KIRREL3: variants seen among roughly 807,000 people sequenced by gnomAD.
KIRREL3 encodes kirre like nephrin family adhesion molecule 3.
Under a neutral mutation model 89.7 loss-of-function variants are expected in KIRREL3, and 36 were observed. The observed-to-expected ratio is 0.40, with a 90% confidence interval of 0.31 to 0.53. KIRREL3 has a LOEUF of 0.53. Ranked by LOEUF, KIRREL3 falls within the 20% of genes least tolerant of loss-of-function variation. KIRREL3 has a pLI of 0.49. For synonymous variants in KIRREL3, 445 were observed against 441.4 expected, an observed-to-expected ratio of 1.01 and a Z score of -0.10; for missense variants, 864 against 1,056.6, an observed-to-expected ratio of 0.82 and a Z score of 2.53.
intron 7 of KIRREL3, among the ~76,000 whole-genome samples, chr11:126,450,843 ATG>A (rs1956054049): frequency 8.1e-6 from 1 of 124,002 alleles, no homozygotes; most frequent in African/African-American, 3.2e-5. Flanking sequence ...GCGTGTATAG[ATG>A]TGTGAGCATG....
intron 4 of KIRREL3, among the ~76,000 whole-genome samples, chr11:126,500,776 A>G (rs1462598794): frequency 6.6e-6 from 1 of 151,856 alleles, no homozygotes; most frequent in Admixed American, 6.6e-5. Flanking sequence ...GAAAAACAGT[A>G]TATATTTTCA....
At chr11:126,722,524 A>G (rs1258202017) in intron 1 of KIRREL3, among the ~76,000 whole-genome samples, 2 of 152,270 alleles carry the variant, frequency 1.3e-5, no homozygotes, top group Admixed American at 1.3e-4. Context: ...TTGTAAATAA[A>G]GTTTTATTAG....
At chr11:126,435,175 A>C in intron 13 of KIRREL3, 93 bp downstream of exon 13, 1 of 1,321,264 alleles carries the variant, frequency 7.6e-7, no homozygotes, top group Non-Finnish European at 1.1e-6. Flanking sequence ...CGGCCAGCAC[A>C]GGCCTCCCTA....
intron 1 of KIRREL3, among the ~76,000 whole-genome samples, chr11:126,654,775 A>G (rs915273138): frequency 6.6e-6 from 1 of 152,144 alleles, no homozygotes; most frequent in Non-Finnish European, 1.5e-5. Flanking sequence ...CACTGCTTCA[A>G]TGCTTTTCAA....
chr11:126,431,113 T>C lies in KIRREL3; in HGVS notation c.1696+306A>G. On this transcript the variant is annotated intron_variant, in intron 14 of 16. Transcript: ENST00000525144. This position sits in a 1 kb window ranked among gnomAD's most constrained non-coding sequence, Gnocchi z 7.1. ...AGCAAGGATCAAACCACAAACCGCT[T>C]TTCCCCCTATCTTTCTGTACAGTTC... 1 of 1,408,850 alleles carries C rather than the reference T, an allele frequency of 7.1e-7. No individual in the cohort carries two copies. The highest frequency in any genetic ancestry group is 9.2e-7 in the Non-Finnish European group (1 of 1,085,088). 87.3% of individuals were successfully genotyped at this position (1,408,850 alleles called of 1,614,324 possible).
At chr11:126,884,961 G>T (rs535093534) in intron 1 of KIRREL3, among the ~76,000 whole-genome samples, 1 of 152,280 alleles carries the variant, frequency 6.6e-6, no homozygotes, top group East Asian at 1.9e-4. Flanking sequence ...AAAACTTAAT[G>T]TTGAGTGAAA....
rs977299908 is a variant in KIRREL3, at chr11:126,978,206, C to T, written c.55+22249G>A. Among the ~76,000 whole-genome samples, 8 of 152,180 alleles carry T rather than the reference C, an allele frequency of 5.3e-5. No homozygotes were observed. Among genetic ancestry groups the T allele is most frequent in the African/African-American group, 1.9e-4 (8 of 41,448 alleles). Reference sequence around the variant, plus strand: ...CAATTATGCGATTCTTTCAGGGTTGCTTCTGCCCTTCCTCTTCTCCAACAT... The same window carrying T: ...CAATTATGCGATTCTTTCAGGGTTGTTTCTGCCCTTCCTCTTCTCCAACAT... On this transcript the variant is annotated intron_variant, in intron 1 of 16. Transcript: ENST00000525144. The surrounding 1 kb of genome is among the most constrained non-coding windows in gnomAD (Gnocchi z 4.2).
intron 1 of KIRREL3, among the ~76,000 whole-genome samples, chr11:126,874,771 G>A (rs1004084927): frequency 2.6e-5 from 4 of 152,178 alleles, no homozygotes; most frequent in South Asian, 2.1e-4. Flanking sequence ...TTGGCTGTGC[G>A]TGGAATGGTG....
chr11:126,432,797 C>G lies in KIRREL3; in HGVS notation c.1589-1271G>C, dbSNP rs575428381. Among the ~76,000 whole-genome samples, 54 of 152,246 alleles carry G rather than the reference C, an allele frequency of 3.5e-4. No homozygotes were observed. Among genetic ancestry groups the G allele is most frequent in the African/African-American group, 1.2e-3 (48 of 41,556 alleles). On this transcript the variant is annotated intron_variant, in intron 13 of 16. Transcript: ENST00000525144. The surrounding 1 kb of genome is among the most constrained non-coding windows in gnomAD (Gnocchi z 6.2). ...TGGGCTTGAGCTGGGTGAATGTGGG[C>G]AGAGGCCTTGGAGCAGAGCCTGGCA...
Position 126,601,368 on chromosome 11 carries a change from T to C in KIRREL3, c.56-38456A>G, listed in dbSNP as rs1386431296. 1.3e-5 allele frequency among the ~76,000 whole-genome samples: 2 copies of C among 152,170 alleles called. No individual in the cohort carries two copies. The highest frequency in any genetic ancestry group is 2.4e-5 in the African/African-American group (1 of 41,434). On this transcript the variant is annotated intron_variant, in intron 1 of 16. Coordinates refer to ENST00000525144, the MANE Select transcript of KIRREL3 (RefSeq NM_032531.4). The surrounding 1 kb of genome is among the most constrained non-coding windows in gnomAD (Gnocchi z 5.8). ...TGGGCCTGCTAATGCCCTGAGGCGA[T>C]GGGAACACAGCTCTGGGAGCACCTG...
Position 126,723,582 on chromosome 11 carries a change from C to T in KIRREL3, c.56-160670G>A, listed in dbSNP as rs1948263528. The stretch of plus-strand genomic sequence containing the variant: ...CTCCTCTATGCTTTTAAAATAAAGG[C>T]CTTAGTGGATCTCAACTTCAGCAAA... On this transcript the variant is annotated intron_variant, in intron 1 of 16. Coordinates refer to ENST00000525144, the MANE Select transcript of KIRREL3 (RefSeq NM_032531.4). This position sits in a 1 kb window ranked among gnomAD's most constrained non-coding sequence, Gnocchi z 4.0. 6.6e-6 allele frequency among the ~76,000 whole-genome samples: 1 copy of T among 152,194 alleles called. No individual in the cohort carries two copies. The highest frequency in any genetic ancestry group is 2.4e-5 in the African/African-American group (1 of 41,438).
rs768194191 is a variant in KIRREL3, at chr11:126,436,988, C to G, written c.1375G>C (p.Val459Leu). Residue 459 changes from valine to leucine, a missense_variant, in exon 12 of 17, where the codon GTT becomes CTT. By Grantham distance (32) the Val-to-Leu change is conservative. Transcript: ENST00000525144. ...DRIAWSWKENVLESGTSGRYT... is the reference protein window; with the variant it reads ...DRIAWSWKENLLESGTSGRYT... ...CGCCCCGATGTGCCCGACTCCAGAA[C>G]GTTCTCCTTCCAGGACCAGGCCTGC... 1.9e-6 allele frequency: 3 copies of G among 1,560,978 alleles called. No homozygotes were observed. The highest frequency in any genetic ancestry group is 2.6e-6 in the Non-Finnish European group (3 of 1,147,714).
intron 1 of KIRREL3, among the ~76,000 whole-genome samples, chr11:126,681,301 A>G (rs1946442341): frequency 6.6e-6 from 1 of 152,214 alleles, no homozygotes; most frequent in African/African-American, 2.4e-5. Context: ...GGTTAGCCTT[A>G]CATCCAATCA....
At chr11:126,942,556 C>G (rs1416395915) in intron 1 of KIRREL3, among the ~76,000 whole-genome samples, 1 of 152,172 alleles carries the variant, frequency 6.6e-6, no homozygotes, top group South Asian at 2.1e-4. Flanking sequence ...GCTCTTCCAG[C>G]TGGAGGGGGT....
rs1022084025 is a variant in KIRREL3 at position 126,485,168 on chromosome 11, A to G, written c.434-11702T>C. Among the ~76,000 whole-genome samples, 5 of 152,138 alleles carry G rather than the reference A, an allele frequency of 3.3e-5. No individual in the cohort carries two copies. Among genetic ancestry groups the G allele is most frequent in the African/African-American group, 9.7e-5 (4 of 41,432 alleles). ...GGCATCCGATATATTTGGCAGCACA[A>G]TCGCACAGACGTGTCTCCAAGGAGG... is the stretch of plus-strand genomic sequence containing the variant. On this transcript the variant is annotated intron_variant, in intron 4 of 16. Coordinates refer to ENST00000525144, the MANE Select transcript of KIRREL3 (RefSeq NM_032531.4). The surrounding 1 kb of genome is among the most constrained non-coding windows in gnomAD (Gnocchi z 5.8).
rs142779033 is a variant in KIRREL3 at position 126,548,735 on chromosome 11, C to T, written c.133+14100G>A. ...ATCCTCCAGGTGTCATTCATCTCTG[C>T]GTACACAGTGGGTGCTGATGAATCT... is the stretch of plus-strand genomic sequence containing the variant. On this transcript the variant is annotated intron_variant, in intron 2 of 16. Transcript: ENST00000525144. Among the ~76,000 whole-genome samples, 74 of 152,338 alleles carry T rather than the reference C, an allele frequency of 4.9e-4. 1 individual carries two copies. The East Asian group carries it at 8.3e-3, about 17-fold the overall frequency.
At position 126,685,039 on chromosome 11, in the gene KIRREL3, A is replaced by T. The variant is rs1225070512; in HGVS notation, c.56-122127T>A. Among the ~76,000 whole-genome samples the T allele has an allele frequency of 6.6e-6, 1 of 152,066 alleles. No individual in the cohort carries two copies. On this transcript the variant is annotated intron_variant, in intron 1 of 16. Coordinates refer to ENST00000525144, the MANE Select transcript of KIRREL3 (RefSeq NM_032531.4). The surrounding 1 kb of genome is among the most constrained non-coding windows in gnomAD (Gnocchi z 5.5). ...CTAATATGGAAGGAACGTTAGACAC[A>T]CATTCCTGTAGATGCTGGAGTGGAA...
rs1462494267 is a variant in KIRREL3, at chr11:126,739,205, C to A, written c.56-176293G>T. On this transcript the variant is annotated intron_variant, in intron 1 of 16. Transcript: ENST00000525144. This position sits in a 1 kb window ranked among gnomAD's most constrained non-coding sequence, Gnocchi z 5.5. ...CGTGCTATTGTTGGAGATGTGAATT[C>A]CACTGATGTGAATTTCTAGCCTTCT... Among the ~76,000 whole-genome samples the A allele has an allele frequency of 2.0e-5, 3 of 152,232 alleles. No individual in the cohort carries two copies. Among genetic ancestry groups the A allele is most frequent in the African/African-American group, 7.2e-5 (3 of 41,466 alleles).
At position 126,607,102 on chromosome 11, in the gene KIRREL3, G is replaced by A. The variant is rs575594071; in HGVS notation, c.56-44190C>T. Among the ~76,000 whole-genome samples the A allele has an allele frequency of 1.2e-3, 177 of 152,308 alleles. No individual in the cohort carries two copies. Among genetic ancestry groups the A allele is most frequent in the African/African-American group, 4.1e-3 (170 of 41,566 alleles). On this transcript the variant is annotated intron_variant, in intron 1 of 16. Coordinates refer to ENST00000525144, the MANE Select transcript of KIRREL3 (RefSeq NM_032531.4). This position sits in a 1 kb window ranked among gnomAD's most constrained non-coding sequence, Gnocchi z 6.6. ...CCAAGAACCAACCACAGGGCTTGTCGTGGGGCTTATGAGTAGCTAGGGCCT... is the reference window on the plus strand; with the variant it reads ...CCAAGAACCAACCACAGGGCTTGTCATGGGGCTTATGAGTAGCTAGGGCCT...
Sources: gnomAD v4.1 joint callset for allele counts (sites outside exome capture counted in the v4.1 genomes callset) on GRCh38, gnomAD v4.1.1 for gene constraint, Gnocchi (gnomAD v3.1) non-coding constraint, MANE v1.5 for transcripts, NCBI Gene and HGNC (gene_info 2026-07-23, HGNC 2026-07-21) for gene names.